Variants in RBFOX1 observed in about 807,000 individuals in gnomAD.
The protein encoded by RBFOX1 is RNA binding protein fox-1 homolog 1.
In RBFOX1, 8 loss-of-function variants were observed where a neutral mutation model predicts 57.7. The observed-to-expected ratio is 0.14, with a 90% CI of 0.08 to 0.25. The LOEUF is 0.25. Ranked by LOEUF, RBFOX1 falls within the 10% of genes least tolerant of loss-of-function variation. The pLI is 1.00. For missense variants in RBFOX1, 611 were observed against 548.5 expected (o/e 1.11, Z -1.14); for synonymous variants, 326 against 222.4 (o/e 1.47, Z -4.15).
intron 2 of RBFOX1, among the ~76,000 whole-genome samples, chr16:6,533,539 A>G (rs1403745809): frequency 6.6e-6 from 1 of 152,022 alleles, no homozygotes; most frequent in African/African-American, 2.4e-5. Flanking sequence ...GCTTTTACCT[A>G]GCCCCTTAAG....
At chr16:6,044,907 A>G (rs1012002825) in intron 1 of RBFOX1, among the ~76,000 whole-genome samples, 2 of 152,320 alleles carry the variant, frequency 1.3e-5, no homozygotes, top group Admixed American at 6.5e-5. Flanking sequence ...CTCTGCATAC[A>G]TGTAGACCAA....
At chr16:5,717,959 C>A (rs965564243) in intron 3 of RBFOX1, among the ~76,000 whole-genome samples, 3 of 152,022 alleles carry the variant, frequency 2.0e-5, no homozygotes, top group African/African-American at 7.3e-5. Flanking sequence ...GATCACAGTT[C>A]TTCACTCTTC....
At chr16:5,271,760 G>A (rs1217723442) in intron 1 of RBFOX1, among the ~76,000 whole-genome samples, 1 of 151,832 alleles carries the variant, frequency 6.6e-6, no homozygotes, top group African/African-American at 2.4e-5. Flanking sequence ...TACCTTTCCT[G>A]CGCCCCAGCC....
At chr16:6,259,672 C>G (rs112925428) in intron 1 of RBFOX1, among the ~76,000 whole-genome samples, 3 of 151,988 alleles carry the variant, frequency 2.0e-5, no homozygotes, top group African/African-American at 7.2e-5. Flanking sequence ...GATAAAAACA[C>G]TGGGGCCGGG....
intron 4 of RBFOX1, among the ~76,000 whole-genome samples, chr16:7,142,038 A>G (rs1443930531): frequency 6.7e-6 from 1 of 150,166 alleles, no homozygotes; most frequent in Non-Finnish European, 1.5e-5. Context: ...TCTTCTTTTT[A>G]TCTGAGACAG....
intron 2 of RBFOX1, among the ~76,000 whole-genome samples, chr16:6,615,595 A>G (rs1265256597): frequency 6.6e-6 from 1 of 152,136 alleles, no homozygotes; most frequent in Non-Finnish European, 1.5e-5. Context: ...CCTCTGTCCC[A>G]ATAAATATGG....
chr16:7,096,509 T>C (rs2061718772), intron 4 of RBFOX1, among the ~76,000 whole-genome samples: 1 of 152,114 alleles, frequency 6.6e-6, no homozygotes, highest in African/African-American at 2.4e-5. Flanking sequence ...CTAGGAAAAG[T>C]TTTGAGGCCA....
At chr16:5,561,863 A>G (rs2151108517) in intron 2 of RBFOX1, among the ~76,000 whole-genome samples, 1 of 152,280 alleles carries the variant, frequency 6.6e-6, no homozygotes, top group Admixed American at 6.5e-5. Flanking sequence ...TGACCCTGGA[A>G]TTAATGAGAA....
chr16:7,284,469 C>A (rs1405373169), intron 4 of RBFOX1, among the ~76,000 whole-genome samples: 3 of 151,828 alleles, frequency 2.0e-5, no homozygotes, highest in African/African-American at 7.3e-5. Context: ...TAGCTGGGAC[C>A]ACAGGCACTC....
chr16:5,398,205 A>G (rs570333859), intron 1 of RBFOX1, among the ~76,000 whole-genome samples: 15 of 152,278 alleles, frequency 9.9e-5, no homozygotes, highest in African/African-American at 3.6e-4. Context: ...ATATGTGTGT[A>G]CATGTGTGGA....
chr16:7,152,517 G>C (rs912215180), intron 4 of RBFOX1, among the ~76,000 whole-genome samples: 1 of 152,050 alleles, frequency 6.6e-6, no homozygotes, highest in Non-Finnish European at 1.5e-5. Context: ...CTTATGGTCT[G>C]GTGCTACCAA....
intron 3 of RBFOX1, among the ~76,000 whole-genome samples, chr16:6,727,539 A>G (rs2067525358): frequency 6.6e-6 from 1 of 152,094 alleles, no homozygotes; most frequent in African/African-American, 2.4e-5. Context: ...CAGGAGTTTA[A>G]TGAGGGGAGA....
intron 4 of RBFOX1, among the ~76,000 whole-genome samples, chr16:7,401,878 A>G (rs1490715073): frequency 6.6e-6 from 1 of 152,206 alleles, no homozygotes; most frequent in Non-Finnish European, 1.5e-5. Context: ...TCCTTTAAAA[A>G]TGGCTCTGGA....
chr16:5,981,579 C>T (rs1199738299), intron 4 of RBFOX1, among the ~76,000 whole-genome samples: 1 of 152,158 alleles, frequency 6.6e-6, no homozygotes, highest in East Asian at 1.9e-4. Flanking sequence ...GGTGATTCTC[C>T]TGCTTCAGCC....
At position 6,431,892 on chromosome 16, in the gene RBFOX1, G is replaced by GCTTTTCTTTCTTT. The variant is rs1491491088; in HGVS notation, c.-64+114838_-64+114839insTTCTTTCTTTCTT. 1.8e-3 allele frequency among the ~76,000 whole-genome samples: 208 copies of GCTTTTCTTTCTTT among 118,230 alleles called. 4 individuals carry two copies. In the East Asian group the frequency reaches 0.029, roughly 16 times the overall value. The allele number at this position is 118,230 out of a possible 152,430, so 77.6% of individuals were successfully genotyped here. On this transcript the variant is annotated intron_variant, in intron 2 of 15. Coordinates refer to ENST00000550418, the MANE Select transcript of RBFOX1 (RefSeq NM_018723.4). Reference sequence around the variant, plus strand: ...AACATGTCCAGAAATATGCTTGCTTGCTTGCTTTCTTTCTTTCTTTCTTTC... The same window carrying GCTTTTCTTTCTTT: ...AACATGTCCAGAAATATGCTTGCTTGCTTTTCTTTCTTTCTTGCTTTCTTTCTTTCTTTCTTTC...
intron 3 of RBFOX1, among the ~76,000 whole-genome samples, chr16:6,985,882 T>G (rs74878777): frequency 0.051 from 7,593 of 150,088 alleles, 215 homozygotes; most frequent in African/African-American, 0.07. Flanking sequence ...TTTCTTTTCT[T>G]TTTTTGCAGG....
chr16:7,105,230 C>T (rs1310801833), intron 4 of RBFOX1, among the ~76,000 whole-genome samples: 2 of 151,502 alleles, frequency 1.3e-5, no homozygotes, highest in African/African-American at 4.9e-5. Flanking sequence ...AGGTCTGGGT[C>T]ACATGGCAAC....
At chr16:5,936,801 C>A (rs2059177134) in intron 4 of RBFOX1, among the ~76,000 whole-genome samples, 1 of 152,142 alleles carries the variant, frequency 6.6e-6, no homozygotes, top group Non-Finnish European at 1.5e-5. Flanking sequence ...GCAGAGACAG[C>A]ACATGCCAAG....
chr16:6,847,488 C>G (rs565529837), intron 3 of RBFOX1, among the ~76,000 whole-genome samples: 2 of 152,058 alleles, frequency 1.3e-5, no homozygotes, highest in Non-Finnish European at 2.9e-5. Flanking sequence ...GGAATCCTTA[C>G]CACTGTGGCC....
Sources: allele counts gnomAD v4.1 joint callset (sites outside exome capture counted in the v4.1 genomes callset), GRCh38; gene constraint gnomAD v4.1.1; transcripts MANE v1.5; gene names NCBI Gene and HGNC (gene_info 2026-07-23, HGNC 2026-07-21).